The following HS6ST2 variants were observed in gnomAD, a reference collection of about 807,000 sequenced individuals.
HS6ST2 encodes the protein heparan-sulfate 6-O-sulfotransferase 2.
Under a neutral mutation model 33.0 loss-of-function variants are expected in HS6ST2, and 17 were observed. The ratio of observed to expected loss-of-function variants is 0.52; its 90% confidence interval spans 0.35 to 0.77. HS6ST2 has a LOEUF of 0.77. HS6ST2 is among the 30% of genes least tolerant of loss of function. The probability of loss-of-function intolerance (pLI) is 0.01; values close to 1 mark genes in which losing one functional copy is unlikely to be tolerated. For synonymous variants in HS6ST2, 248 were observed against 237.1 expected (o/e 1.05, Z -0.42); for missense variants, 519 against 551.7 (o/e 0.94, Z 0.59).
intron 2 of HS6ST2, among the ~76,000 whole-genome samples, chrX:132,755,422 C>G (rs1675659500): frequency 9.0e-6 from 1 of 111,398 alleles, no homozygotes; most frequent in South Asian, 3.8e-4. Context: ...TCCAAGGAGC[C>G]CTGGTTGCTT....
chrX:132,744,944 TTTTG>T (rs1345230469), intron 2 of HS6ST2, among the ~76,000 whole-genome samples: 3 of 112,213 alleles, frequency 2.7e-5, no homozygotes, highest in Non-Finnish European at 3.8e-5. Context: ...ATTTGGGTTT[TTTTG>T]TTTGTTTGTT....
chrX:132,914,797 T>C (rs1180030729), intron 2 of HS6ST2, among the ~76,000 whole-genome samples: 1 of 112,520 alleles, frequency 8.9e-6, no homozygotes, highest in African/African-American at 3.2e-5. Context: ...GCTTGCTCTC[T>C]CAAACACACA....
intron 3 of HS6ST2, among the ~76,000 whole-genome samples, chrX:132,691,589 A>G (rs1416495970): frequency 2.7e-5 from 3 of 112,058 alleles, no homozygotes; most frequent in African/African-American, 9.7e-5. Context: ...AACAAGAAAA[A>G]GTCAATAAGC....
At chrX:132,939,705 T>C (rs2066867822) in intron 2 of HS6ST2, among the ~76,000 whole-genome samples, 1 of 111,700 alleles carries the variant, frequency 9.0e-6, no homozygotes. Flanking sequence ...TACAATAATA[T>C]CAAAAGAGTA....
At chrX:132,802,489 T>A (rs1213343204) in intron 2 of HS6ST2, among the ~76,000 whole-genome samples, 1 of 111,563 alleles carries the variant, frequency 9.0e-6, no homozygotes, top group Admixed American at 9.6e-5. Context: ...TGTAAAGTAG[T>A]AACACTTTTC....
intron 3 of HS6ST2, 71 bp downstream of exon 3, chrX:132,708,391 C>G: frequency 1.6e-6 from 1 of 637,201 alleles, no homozygotes; most frequent in Non-Finnish European, 2.1e-6. Context: ...ATTAAACGGA[C>G]AGGCAACTGC....
chrX:132,642,717 C>T (rs2063610253), intron 4 of HS6ST2, among the ~76,000 whole-genome samples: 1 of 112,186 alleles, frequency 8.9e-6, no homozygotes, highest in Non-Finnish European at 1.9e-5. Flanking sequence ...CCCATCCCAC[C>T]TCTCTAGCTA....
At chrX:132,856,566 T>C (rs945387469) in intron 2 of HS6ST2, among the ~76,000 whole-genome samples, 6 of 111,749 alleles carry the variant, frequency 5.4e-5, no homozygotes, top group African/African-American at 2.0e-4. Flanking sequence ...ATTCCATTTT[T>C]TAAAAGCTCT....
chrX:132,746,469 C>G (rs1303455186), intron 2 of HS6ST2, among the ~76,000 whole-genome samples: 1 of 111,018 alleles, frequency 9.0e-6, no homozygotes, highest in African/African-American at 3.3e-5. Flanking sequence ...CGCCACTGCA[C>G]TCCAGCAACA....
chrX:132,729,860 A>G (rs2148275592), intron 2 of HS6ST2, among the ~76,000 whole-genome samples: 1 of 110,252 alleles, frequency 9.1e-6, no homozygotes, highest in East Asian at 2.9e-4. Flanking sequence ...AAGAGTATAA[A>G]GGAGTCCTGA....
At chrX:132,680,302 G>A (rs990022940) in intron 3 of HS6ST2, among the ~76,000 whole-genome samples, 2 of 111,219 alleles carry the variant, frequency 1.8e-5, no homozygotes, top group Non-Finnish European at 3.8e-5. Flanking sequence ...TGGGGTCCCT[G>A]ACTTCCCGCA....
intron 4 of HS6ST2, among the ~76,000 whole-genome samples, chrX:132,658,484 C>CT (rs144502822): frequency 0.12 from 13,186 of 109,066 alleles, 673 homozygotes; most frequent in African/African-American, 0.14. Context: ...TTTTCTTTTT[C>CT]TTTTTTTTTG....
intron 2 of HS6ST2, among the ~76,000 whole-genome samples, chrX:132,905,783 A>C (rs1363203887): frequency 1.8e-5 from 2 of 112,088 alleles, no homozygotes; most frequent in African/African-American, 6.5e-5. Flanking sequence ...TTTTGTCTTA[A>C]TTTAGCTATT....
chrX:132,663,510 A>G lies in HS6ST2; in HGVS notation c.1067+5603T>C, dbSNP rs563430180. On this transcript the variant is annotated intron_variant, in intron 4 of 4. Transcript: ENST00000370833. The stretch of plus-strand genomic sequence containing the variant: ...TCTGACATCAGTTTATGCTTTTGTC[A>G]TTCGTCTTTTTCTACAAAGGTGCAA... 2.7e-5 allele frequency among the ~76,000 whole-genome samples: 3 copies of G among 112,491 alleles called. No homozygotes were observed. In the South Asian group the frequency reaches 1.1e-3, roughly 42 times the overall value.
chrX:132,904,188 C>T (rs1227483394), intron 2 of HS6ST2, among the ~76,000 whole-genome samples: 1 of 112,249 alleles, frequency 8.9e-6, no homozygotes, highest in Non-Finnish European at 1.9e-5. Flanking sequence ...AATTTACCAC[C>T]TAATATAGTT....
intron 2 of HS6ST2, among the ~76,000 whole-genome samples, chrX:132,866,400 A>T (rs1356697936): frequency 3.2e-5 from 3 of 94,394 alleles, no homozygotes; most frequent in Non-Finnish European, 4.2e-5. Flanking sequence ...TATAGTTTGA[A>T]GTCAGGTAGT....
intron 4 of HS6ST2, among the ~76,000 whole-genome samples, chrX:132,656,489 A>C (rs370397811): frequency 8.0e-4 from 89 of 110,746 alleles, no homozygotes; most frequent in African/African-American, 2.7e-3. Flanking sequence ...TTGGAGTACA[A>C]GTAGTTTTGT....
Position 132,958,250 on chromosome X carries a change from C to A in HS6ST2, c.353G>T (p.Gly118Val). 8.4e-7 allele frequency: 1 copy of A among 1,187,048 alleles called. No homozygotes were observed. Among genetic ancestry groups the A allele is most frequent in the South Asian group, 1.8e-5 (1 of 55,098 alleles). ...GSLCRALLTR[G>V]LAALGHSLKH... ...CAGCGAGTGGCCCAGGGCGGCCAGG[C>A]CCCGAGTGAGCAGGGCCCGGCAGAG... Residue 118 changes from glycine to valine, a missense_variant, in exon 1 of 5, where the codon GGC (glycine) becomes GTC (valine). Gly to Val is a moderately radical substitution (Grantham distance 109). Coordinates refer to ENST00000370833, the MANE Select transcript of HS6ST2 (RefSeq NM_001394073.1).
At chrX:132,878,159 G>C in intron 2 of HS6ST2, among the ~76,000 whole-genome samples, 1 of 112,000 alleles carries the variant, frequency 8.9e-6, no homozygotes, top group Admixed American at 9.5e-5. Flanking sequence ...CACATTAAAG[G>C]GTGAAGAGGG....
Sources: allele counts gnomAD v4.1 joint callset (sites outside exome capture counted in the v4.1 genomes callset), GRCh38; gene constraint gnomAD v4.1.1; transcripts MANE v1.5; gene names NCBI Gene and HGNC (gene_info 2026-07-23, HGNC 2026-07-21).